MACROH2A2: variants seen among roughly 807,000 people sequenced by gnomAD.
MACROH2A2 encodes the protein macroH2A.2 histone.
In MACROH2A2, 6 loss-of-function variants were observed where a neutral mutation model predicts 37.6. The ratio of observed to expected loss-of-function variants is 0.16; its 90% CI spans 0.09 to 0.32. The LOEUF (loss-of-function observed/expected upper bound fraction) is 0.32. MACROH2A2 is among the 10% of genes least tolerant of loss of function. The pLI is 1.00. For missense variants in MACROH2A2, 290 were observed against 485.9 expected, an observed-to-expected ratio of 0.60 and a Z score of 3.79; for synonymous variants, 192 against 202.7, an observed-to-expected ratio of 0.95 and a Z score of 0.45.
chr10:70,072,165 A>G (rs1013791702), intron 1 of MACROH2A2, among the ~76,000 whole-genome samples: 1 of 151,976 alleles, frequency 6.6e-6, no homozygotes, highest in Admixed American at 6.6e-5. Context: ...GCTACTACAC[A>G]TATTTTCCTT....
chr10:70,103,276 G>A (rs758995856), intron 7 of MACROH2A2, among the ~76,000 whole-genome samples: 1 of 152,214 alleles, frequency 6.6e-6, no homozygotes, highest in Non-Finnish European at 1.5e-5. Flanking sequence ...GGGGGCCTGG[G>A]TGTGGGGAAG....
rs747202934 is a variant in MACROH2A2, at chr10:70,075,084, C to T, written c.-59-516C>T. Among the ~76,000 whole-genome samples, 1 of 152,158 alleles carries T rather than the reference C, an allele frequency of 6.6e-6. No homozygotes were observed. Among genetic ancestry groups the T allele is most frequent in the East Asian group, 1.9e-4 (1 of 5,198 alleles). On this transcript the variant is annotated intron_variant, in intron 1 of 8. Transcript: ENST00000373255. This position sits in a 1 kb window ranked among gnomAD's most constrained non-coding sequence, Gnocchi z 5.0. ...CAGCAGGACTAATTCCTTCTGATGG[C>T]TTTGAGGGGAAAATCCTTTTCCTTC...
At chr10:70,109,341 G>A (rs2072356518) in intron 8 of MACROH2A2, 134 bp downstream of exon 8, 2 of 727,464 alleles carry the variant, frequency 2.7e-6, no homozygotes, top group Admixed American at 2.4e-5. Context: ...TGACAGGGCA[G>A]GAAACCCGGT....
In MACROH2A2 at chr10:70,054,716, G is replaced by A. The variant is rs12266235; in HGVS notation, c.-60+1716G>A. 8.7e-3 allele frequency among the ~76,000 whole-genome samples: 1,326 copies of A among 152,234 alleles called. 19 individuals are homozygous for A. Among genetic ancestry groups the A allele is most frequent in the African/African-American group, 0.028 (1,168 of 41,534 alleles). ...TAAATGTTAAGAGCTCCAAGATTTG[G>A]AAACATACTGGTGATTTTTAGAATT... is the stretch of plus-strand genomic sequence containing the variant. On this transcript the variant is annotated intron_variant, in intron 1 of 8. Coordinates refer to ENST00000373255, the MANE Select transcript of MACROH2A2 (RefSeq NM_018649.3).
intron 1 of MACROH2A2, among the ~76,000 whole-genome samples, chr10:70,071,032 C>T (rs369041686): frequency 4.7e-5 from 7 of 149,242 alleles, no homozygotes; most frequent in Middle Eastern, 3.4e-3. Context: ...TGCATGTATG[C>T]GTGTGCACGT....
intron 2 of MACROH2A2, among the ~76,000 whole-genome samples, chr10:70,078,170 C>T (rs1049107785): frequency 5.9e-5 from 9 of 152,212 alleles, no homozygotes; most frequent in African/African-American, 2.2e-4. Flanking sequence ...CGAAGCTTAC[C>T]TCTTCCTGTT....
At position 70,053,355 on chromosome 10, in the gene MACROH2A2, G is replaced by T. The variant is rs2071987702; in HGVS notation, c.-60+355G>T. Among the ~76,000 whole-genome samples the T allele has an allele frequency of 1.3e-5, 2 of 151,978 alleles. No individual in the cohort carries two copies. Among genetic ancestry groups the T allele is most frequent in the Non-Finnish European group, 1.5e-5 (1 of 67,946 alleles). ...CCCGGAGGAAGCGGAGGTCTCCTGG[G>T]AATGCGGAGTTTCGGGCGCAGGAGC... is the stretch of plus-strand genomic sequence containing the variant. On this transcript the variant is annotated intron_variant, in intron 1 of 8. Transcript: ENST00000373255. The surrounding 1 kb of genome is among the most constrained non-coding windows in gnomAD (Gnocchi z 4.8).
At chr10:70,087,931 A>C (rs2072220988) in intron 2 of MACROH2A2, among the ~76,000 whole-genome samples, 1 of 152,210 alleles carries the variant, frequency 6.6e-6, no homozygotes, top group Non-Finnish European at 1.5e-5. Context: ...TGCTTAGTTA[A>C]TACAGCATAC....
At chr10:70,099,555 A>C (rs2072294705) in intron 6 of MACROH2A2, 1 of 152,254 alleles carries the variant, frequency 6.6e-6, no homozygotes, top group African/African-American at 2.4e-5. Context: ...GCGCTGGTGC[A>C]CACCGACAGG....
chr10:70,077,240 C>T (rs2136626288), intron 2 of MACROH2A2, among the ~76,000 whole-genome samples: 1 of 152,316 alleles, frequency 6.6e-6, no homozygotes, highest in African/African-American at 2.4e-5. Flanking sequence ...GCCTTTTAAC[C>T]TCAAGCCAAA....
chr10:70,084,916 C>T (rs1371747958), intron 2 of MACROH2A2, among the ~76,000 whole-genome samples: 6 of 152,132 alleles, frequency 3.9e-5, no homozygotes, highest in Non-Finnish European at 5.9e-5. Flanking sequence ...CTAATTTGCA[C>T]AAAGGTACCT....
intron 6 of MACROH2A2, among the ~76,000 whole-genome samples, chr10:70,096,858 T>C (rs2072279327): frequency 6.6e-6 from 1 of 152,062 alleles, no homozygotes; most frequent in Non-Finnish European, 1.5e-5. Flanking sequence ...GAAAAGGAGA[T>C]AGGACAGCCC....
chr10:70,088,928 A>C (rs1471884397), intron 2 of MACROH2A2, among the ~76,000 whole-genome samples: 2 of 152,166 alleles, frequency 1.3e-5, no homozygotes, highest in African/African-American at 4.8e-5. Context: ...ACATGGTGAA[A>C]CCTCATCTCT....
intron 1 of MACROH2A2, among the ~76,000 whole-genome samples, chr10:70,071,033 G>A (rs764472884): frequency 3.3e-5 from 5 of 151,564 alleles, no homozygotes; most frequent in African/African-American, 7.3e-5. Context: ...GCATGTATGC[G>A]TGTGCACGTG....
chr10:70,060,770 A>G (rs977330409), intron 1 of MACROH2A2, among the ~76,000 whole-genome samples: 3 of 152,230 alleles, frequency 2.0e-5, no homozygotes, highest in Non-Finnish European at 4.4e-5. Context: ...TTTGCAGAAA[A>G]CAAGATAGTT....
intron 1 of MACROH2A2, among the ~76,000 whole-genome samples, chr10:70,065,665 G>A (rs1214606658): frequency 6.6e-6 from 1 of 151,902 alleles, no homozygotes; most frequent in African/African-American, 2.4e-5. Flanking sequence ...GATAAAGACT[G>A]AAGAAAAAAT....
chr10:70,101,799 T>A, intron 7 of MACROH2A2, among the ~76,000 whole-genome samples: 1 of 152,220 alleles, frequency 6.6e-6, no homozygotes, highest in African/African-American at 2.4e-5. Flanking sequence ...TTTTTCAAAG[T>A]TCATCCATAC....
chr10:70,065,807 A>G (rs1201532423), intron 1 of MACROH2A2, among the ~76,000 whole-genome samples: 3 of 152,026 alleles, frequency 2.0e-5, no homozygotes, highest in Non-Finnish European at 4.4e-5. Context: ...TTGAGGGGGG[A>G]GGGATAATCA....
At chr10:70,102,581 G>T (rs1389520520) in intron 7 of MACROH2A2, among the ~76,000 whole-genome samples, 1 of 152,094 alleles carries the variant, frequency 6.6e-6, no homozygotes. Context: ...GCCAGGCATG[G>T]TGGCGCATGC....
Sources: gnomAD v4.1 joint callset for allele counts (sites outside exome capture counted in the v4.1 genomes callset) on GRCh38, gnomAD v4.1.1 for gene constraint, Gnocchi (gnomAD v3.1) non-coding constraint, MANE v1.5 for transcripts, NCBI Gene and HGNC (gene_info 2026-07-23, HGNC 2026-07-21) for gene names.